GABBR2: variants seen among roughly 807,000 people sequenced by gnomAD.
The protein encoded by GABBR2 is gamma-aminobutyric acid type B receptor subunit 2.
Under a neutral mutation model 105.6 loss-of-function variants are expected in GABBR2, and 23 were observed. That is an observed-to-expected ratio of 0.22 (90% CI 0.16 to 0.31). The LOEUF is 0.31. Among genes scored for constraint, GABBR2 ranks in the 10% least tolerant of loss-of-function variants. GABBR2 has a pLI of 1.00. For synonymous variants in GABBR2, 478 were observed against 499.7 expected, an observed-to-expected ratio of 0.96 and a Z score of 0.58; for missense variants, 734 against 1,245.5, an observed-to-expected ratio of 0.59 and a Z score of 6.18.
At chr9:98,405,041 C>T (rs1244664355) in intron 8 of GABBR2, among the ~76,000 whole-genome samples, 1 of 152,004 alleles carries the variant, frequency 6.6e-6, no homozygotes, top group Non-Finnish European at 1.5e-5. Flanking sequence ...TAAAACCTCC[C>T]TATCCAAAAA....
intron 2 of GABBR2, among the ~76,000 whole-genome samples, chr9:98,571,667 C>A (rs919736062): frequency 1.3e-5 from 2 of 152,150 alleles, no homozygotes; most frequent in Non-Finnish European, 2.9e-5. Flanking sequence ...AGTTGGAGAG[C>A]CACTGACCTG....
At chr9:98,317,749 T>A (rs1830743255) in intron 13 of GABBR2, among the ~76,000 whole-genome samples, 1 of 152,216 alleles carries the variant, frequency 6.6e-6, no homozygotes, top group Admixed American at 6.5e-5. Flanking sequence ...GGGTACAGGA[T>A]GAATGAGACC....
chr9:98,537,621 G>C (rs375330948), intron 3 of GABBR2, among the ~76,000 whole-genome samples: 43 of 151,732 alleles, frequency 2.8e-4, no homozygotes, highest in African/African-American at 1.0e-3. Context: ...TTTTTTTGTA[G>C]AGACAGGGCT....
chr9:98,340,460 A>C (rs1831192612), intron 13 of GABBR2, among the ~76,000 whole-genome samples: 1 of 150,900 alleles, frequency 6.6e-6, no homozygotes, highest in African/African-American at 2.4e-5. Flanking sequence ...GGGTCTCGTC[A>C]TGTTGCCCAG....
intron 1 of GABBR2, among the ~76,000 whole-genome samples, chr9:98,609,280 CCT>C (rs1478088483): frequency 1.3e-5 from 2 of 152,186 alleles, no homozygotes; most frequent in Admixed American, 6.5e-5. Flanking sequence ...CCTTCCAGCC[CCT>C]CTGTCACCCA....
At chr9:98,374,742 G>C (rs1466926404) in intron 11 of GABBR2, among the ~76,000 whole-genome samples, 1 of 152,140 alleles carries the variant, frequency 6.6e-6, no homozygotes, top group African/African-American at 2.4e-5. Context: ...CTGTGATAGG[G>C]CTATCAGAAG....
At chr9:98,496,612 T>C in intron 3 of GABBR2, 98 bp from the exon 4 acceptor site, 3 of 776,594 alleles carry the variant, frequency 3.9e-6, no homozygotes, top group Non-Finnish European at 4.6e-6. Flanking sequence ...GGCAAAGCGA[T>C]TTTCTCTACC....
chr9:98,496,870 A>T (rs1827291766), intron 3 of GABBR2, among the ~76,000 whole-genome samples: 1 of 152,128 alleles, frequency 6.6e-6, no homozygotes, highest in African/African-American at 2.4e-5. Flanking sequence ...AATATTTTGC[A>T]CTATTTATTT....
chr9:98,695,078 C>T (rs887487856), intron 1 of GABBR2, among the ~76,000 whole-genome samples: 1 of 152,238 alleles, frequency 6.6e-6, no homozygotes, highest in African/African-American at 2.4e-5. Context: ...AACATCTTCT[C>T]TGTTCCACTT....
chr9:98,402,576 C>T (rs943523244), intron 8 of GABBR2, among the ~76,000 whole-genome samples: 3 of 152,058 alleles, frequency 2.0e-5, no homozygotes, highest in African/African-American at 4.8e-5. Flanking sequence ...TCCTAGGATG[C>T]GCTGTTAGTG....
In GABBR2 at chr9:98,290,275, T is replaced by G. The variant is rs1254911251; in HGVS notation, c.*309A>C. On this transcript the variant is annotated 3_prime_UTR_variant, in exon 19 of 19. Transcript: ENST00000259455. ...CTCCTTGTCTAGTTTTTTTGTTTTT[T>G]TTTTTTTTTTTTTTTTTTTGCAAGT... The G allele has an allele frequency of 4.3e-4, 59 of 138,546 alleles. No homozygotes were observed. Among genetic ancestry groups the G allele is most frequent in the South Asian group, 1.5e-3 (7 of 4,546 alleles). 8.6% of individuals were successfully genotyped at this position (138,546 alleles called of 1,614,324 possible).
At chr9:98,381,003 G>T (rs958624737) in intron 11 of GABBR2, among the ~76,000 whole-genome samples, 1 of 152,238 alleles carries the variant, frequency 6.6e-6, no homozygotes, top group Non-Finnish European at 1.5e-5. Flanking sequence ...TCTGAACCTG[G>T]TCTCATGGTC....
chr9:98,619,547 G>A (rs1829640182), intron 1 of GABBR2, among the ~76,000 whole-genome samples: 1 of 152,172 alleles, frequency 6.6e-6, no homozygotes, highest in Middle Eastern at 3.2e-3. Flanking sequence ...CGGAATCCAA[G>A]TCTGATTTTT....
chr9:98,620,901 A>G (rs999003821), intron 1 of GABBR2, among the ~76,000 whole-genome samples: 2 of 152,140 alleles, frequency 1.3e-5, no homozygotes, highest in African/African-American at 2.4e-5. Context: ...TTCCTTAGCT[A>G]CAAAATGGGT....
intron 12 of GABBR2, among the ~76,000 whole-genome samples, chr9:98,369,587 C>A (rs1007615690): frequency 2.6e-5 from 4 of 152,218 alleles, no homozygotes; most frequent in Admixed American, 2.6e-4. Context: ...GAGCCTAGAA[C>A]TCCAGGCTTC....
intron 13 of GABBR2, among the ~76,000 whole-genome samples, chr9:98,316,295 G>A (rs1475012706): frequency 2.0e-5 from 3 of 152,090 alleles, no homozygotes; most frequent in African/African-American, 7.2e-5. Context: ...GGGATTACAG[G>A]CATGCGCCAC....
chr9:98,497,656 C>T (rs1321271311), intron 3 of GABBR2, among the ~76,000 whole-genome samples: 2 of 152,210 alleles, frequency 1.3e-5, no homozygotes, highest in Non-Finnish European at 2.9e-5. Flanking sequence ...GCCTCAGTTT[C>T]TTCCGCTTTA....
At chr9:98,644,507 C>T (rs916809108) in intron 1 of GABBR2, among the ~76,000 whole-genome samples, 10 of 152,204 alleles carry the variant, frequency 6.6e-5, no homozygotes, top group African/African-American at 2.2e-4. Flanking sequence ...CCCGGTTCTC[C>T]TGGCTTTCTC....
At chr9:98,346,272 C>T (rs185908518) in intron 13 of GABBR2, among the ~76,000 whole-genome samples, 1 of 152,320 alleles carries the variant, frequency 6.6e-6, no homozygotes, top group Non-Finnish European at 1.5e-5. Context: ...CCTCTCAAAC[C>T]CTGCTGCTTT....
Sources: allele counts gnomAD v4.1 joint callset (sites outside exome capture counted in the v4.1 genomes callset), GRCh38; gene constraint gnomAD v4.1.1; transcripts MANE v1.5; gene names NCBI Gene and HGNC (gene_info 2026-07-23, HGNC 2026-07-21).